Variants in CDH12 observed in about 807,000 individuals in gnomAD.
CDH12 encodes cadherin-12.
CDH12 carries 41 observed loss-of-function variants against 74.1 expected under a neutral mutation model. The ratio of observed to expected loss-of-function variants is 0.55; its 90% CI spans 0.43 to 0.72. CDH12 has a LOEUF of 0.72. Ranked by LOEUF, CDH12 falls within the 30% of genes least tolerant of loss-of-function variation. The probability of loss-of-function intolerance (pLI) is 0.00; values close to 1 mark genes in which losing one functional copy is unlikely to be tolerated. For synonymous variants in CDH12, 399 were observed against 355.0 expected (o/e 1.12, Z -1.39); for missense variants, 945 against 977.2 (o/e 0.97, Z 0.44).
chr5:22,004,347 A>G (rs914224791), intron 5 of CDH12, among the ~76,000 whole-genome samples: 1 of 152,186 alleles, frequency 6.6e-6, no homozygotes, highest in African/African-American at 2.4e-5. Context: ...AAATGAGGGG[A>G]CTAGTGTACA....
At chr5:22,317,845 C>T (rs928422812) in intron 3 of CDH12, among the ~76,000 whole-genome samples, 3 of 152,112 alleles carry the variant, frequency 2.0e-5, no homozygotes, top group Non-Finnish European at 4.4e-5. Flanking sequence ...GTACTTAAGG[C>T]AACTGTGAAT....
rs563883486 is a variant in CDH12, at chr5:22,199,570, C to A, written c.-187+12928G>T. 5.9e-5 allele frequency among the ~76,000 whole-genome samples: 9 copies of A among 152,264 alleles called. No homozygotes were observed. The South Asian group carries it at 1.9e-3, about 32-fold the overall frequency. On this transcript the variant is annotated intron_variant, in intron 4 of 14. Transcript: ENST00000382254. ...AGTTCCTCTTTTCATGCCTGCAGAT[C>A]AGAGCATAATTGGACCTGCTCTTTT...
intron 1 of CDH12, among the ~76,000 whole-genome samples, chr5:22,765,023 C>T (rs1017591155): frequency 6.6e-6 from 1 of 151,814 alleles, no homozygotes; most frequent in Non-Finnish European, 1.5e-5. Flanking sequence ...AAAGAAAGAA[C>T]CATTAATAAA....
At chr5:22,474,479 C>G (rs1746089462) in intron 2 of CDH12, among the ~76,000 whole-genome samples, 1 of 152,154 alleles carries the variant, frequency 6.6e-6, no homozygotes, top group South Asian at 2.1e-4. Context: ...GTCAAATAGA[C>G]AGCAATAGAA....
intron 6 of CDH12, among the ~76,000 whole-genome samples, chr5:21,876,835 T>A (rs1383081036): frequency 6.6e-6 from 1 of 152,232 alleles, no homozygotes; most frequent in East Asian, 1.9e-4. Context: ...CTCAATATAA[T>A]AGAGTTCCCT....
intron 1 of CDH12, among the ~76,000 whole-genome samples, chr5:22,578,388 G>T (rs698898): frequency 0.16 from 5,176 of 33,318 alleles, 117 homozygotes; most frequent in South Asian, 0.25. Flanking sequence ...TGTGTGTGTG[G>T]GGGGGGGGTG....
intron 3 of CDH12, among the ~76,000 whole-genome samples, chr5:22,324,557 A>G (rs1041210086): frequency 2.6e-5 from 4 of 151,842 alleles, no homozygotes; most frequent in African/African-American, 7.2e-5. Context: ...AAAAAAGAGT[A>G]CATATGAGAA....
chr5:22,250,480 C>T (rs1035672694), intron 3 of CDH12, among the ~76,000 whole-genome samples: 13 of 152,138 alleles, frequency 8.5e-5, no homozygotes, highest in African/African-American at 1.7e-4. Context: ...CCTTTTCTAA[C>T]CCAGCCTTAG....
At chr5:22,285,899 C>T (rs1217784384) in intron 3 of CDH12, among the ~76,000 whole-genome samples, 1 of 152,060 alleles carries the variant, frequency 6.6e-6, no homozygotes, top group Admixed American at 6.5e-5. Flanking sequence ...CTCCCTGCTT[C>T]ATGGAAATGG....
chr5:21,960,650 A>T lies in CDH12; in HGVS notation c.526+14441T>A, dbSNP rs577306667. 9.9e-5 allele frequency among the ~76,000 whole-genome samples: 15 copies of T among 152,262 alleles called. 1 individual carries two copies. In the South Asian group the frequency reaches 3.1e-3, roughly 32 times the overall value. On this transcript the variant is annotated intron_variant, in intron 6 of 14. Coordinates refer to ENST00000382254, the MANE Select transcript of CDH12 (RefSeq NM_004061.5). ...CATTTCTACCAGTGTGAGAATATGT[A>T]TTCCTCACCTTTACTGGGATTCACT...
intron 1 of CDH12, among the ~76,000 whole-genome samples, chr5:22,606,844 T>G (rs544733240): frequency 1.9e-4 from 29 of 152,136 alleles, no homozygotes; most frequent in Non-Finnish European, 3.4e-4. Context: ...GACAGGAAGA[T>G]GTGGGAATGT....
intron 3 of CDH12, among the ~76,000 whole-genome samples, chr5:22,320,778 C>A (rs554063070): frequency 1.3e-5 from 2 of 152,250 alleles, no homozygotes; most frequent in Non-Finnish European, 1.5e-5. Context: ...TCTTAAAAAA[C>A]AAAGGTTTAG....
intron 3 of CDH12, among the ~76,000 whole-genome samples, chr5:22,385,718 G>T (rs1432887505): frequency 6.6e-6 from 1 of 152,016 alleles, no homozygotes; most frequent in Non-Finnish European, 1.5e-5. Context: ...CTGAGACTGG[G>T]TAATTTATAA....
At chr5:21,845,356 A>T (rs1750107359) in intron 7 of CDH12, among the ~76,000 whole-genome samples, 1 of 152,134 alleles carries the variant, frequency 6.6e-6, no homozygotes, top group East Asian at 1.9e-4. Flanking sequence ...CATTCCAGTC[A>T]TCCACTCCTA....
chr5:22,850,336 C>T (rs896528508), intron 1 of CDH12, among the ~76,000 whole-genome samples: 31 of 152,114 alleles, frequency 2.0e-4, no homozygotes, highest in African/African-American at 6.5e-4. Flanking sequence ...GAAAAAGCTG[C>T]AACTGTCTTA....
intron 2 of CDH12, among the ~76,000 whole-genome samples, chr5:22,422,545 TA>T (rs1175674941): frequency 6.6e-6 from 1 of 152,180 alleles, no homozygotes; most frequent in Admixed American, 6.5e-5. Flanking sequence ...TTTTTTGTTG[TA>T]AATGATGACA....
intron 2 of CDH12, among the ~76,000 whole-genome samples, chr5:22,495,739 A>T (rs947337557): frequency 6.8e-6 from 1 of 147,560 alleles, no homozygotes; most frequent in Non-Finnish European, 1.5e-5. Flanking sequence ...AGAACATACA[A>T]CCACTAAGAA....
At chr5:21,993,127 C>A (rs984948241) in intron 5 of CDH12, among the ~76,000 whole-genome samples, 1 of 152,050 alleles carries the variant, frequency 6.6e-6, no homozygotes, top group Non-Finnish European at 1.5e-5. Flanking sequence ...TATTACAATT[C>A]GAGATGAGAT....
chr5:22,313,442 ATAT>A (rs1271931068), intron 3 of CDH12, among the ~76,000 whole-genome samples: 1 of 152,212 alleles, frequency 6.6e-6, no homozygotes, highest in East Asian at 1.9e-4. Flanking sequence ...TAGAAGACTA[ATAT>A]TATATGAATT....
Sources: allele counts gnomAD v4.1 joint callset (sites outside exome capture counted in the v4.1 genomes callset), GRCh38; gene constraint gnomAD v4.1.1; transcripts MANE v1.5; gene names NCBI Gene and HGNC (gene_info 2026-07-23, HGNC 2026-07-21).